The following RNF149 variants were observed in gnomAD, a reference collection of about 807,000 sequenced individuals.
The protein encoded by RNF149 is ring finger protein 149.
In RNF149, 21 loss-of-function variants were observed where a neutral mutation model predicts 39.0. That is an observed-to-expected ratio of 0.54 (90% CI 0.38 to 0.77). The LOEUF (loss-of-function observed/expected upper bound fraction) is 0.77, where lower values mean the gene tolerates loss of function less well. Ranked by LOEUF, RNF149 falls within the 30% of genes least tolerant of loss-of-function variation. The pLI, the probability that RNF149 is intolerant of heterozygous loss-of-function variation, is 0.00. For missense variants in RNF149, 493 were observed against 534.9 expected (o/e 0.92, Z 0.77); for synonymous variants, 209 against 213.6 (o/e 0.98, Z 0.19).
At chr2:101,284,566 G>C (rs1232851735) in intron 5 of RNF149, among the ~76,000 whole-genome samples, 1 of 152,146 alleles carries the variant, frequency 6.6e-6, no homozygotes, top group Admixed American at 6.5e-5. Flanking sequence ...CGGCGACAGA[G>C]TGAGGCTGTC....
chr2:101,286,103 A>C lies in RNF149; in HGVS notation c.938T>G (p.Val313Gly). The change falls in exon 5 of 7, where the codon GTC becomes GGC. Residue 313 changes from valine (V) to glycine (G), a missense_variant. Coordinates refer to ENST00000295317, the MANE Select transcript of RNF149 (RefSeq NM_173647.4). ...AACCCAATATCCTAGGGCTTTGATG[A>C]CATCAAGTTTACACATTGGACATGT... is the stretch of plus-strand genomic sequence containing the variant. ...HRTCPMCKLDVIKALGYWGEP... is the reference protein window; with the variant it reads ...HRTCPMCKLDGIKALGYWGEP... 6.2e-7 allele frequency: 1 copy of C among 1,609,970 alleles called. No individual in the cohort carries two copies. Among genetic ancestry groups the C allele is most frequent in the Admixed American group, 1.7e-5 (1 of 59,958 alleles).
chr2:101,279,671 G>A (rs1353062791), intron 6 of RNF149, among the ~76,000 whole-genome samples: 1 of 152,148 alleles, frequency 6.6e-6, no homozygotes, highest in East Asian at 1.9e-4. Flanking sequence ...CAGATCAATC[G>A]CTACAATTTT....
At chr2:101,307,845 T>C in intron 1 of RNF149, 1 of 985,392 alleles carries the variant, frequency 1.0e-6, no homozygotes. Flanking sequence ...CCTCACCTGT[T>C]AGAACCACAA....
At chr2:101,282,790 T>C (rs1682640010) in intron 5 of RNF149, among the ~76,000 whole-genome samples, 1 of 152,082 alleles carries the variant, frequency 6.6e-6, no homozygotes, top group African/African-American at 2.4e-5. Context: ...CATCTCACCA[T>C]TGCTTCAAGT....
intron 1 of RNF149, among the ~76,000 whole-genome samples, chr2:101,299,505 T>C (rs1683369879): frequency 1.3e-5 from 2 of 152,176 alleles, no homozygotes; most frequent in Non-Finnish European, 2.9e-5. Context: ...AGGATGTATA[T>C]AGAAAGAATT....
chr2:101,277,856 C>T (rs980538426), intron 6 of RNF149, among the ~76,000 whole-genome samples: 5 of 152,082 alleles, frequency 3.3e-5, no homozygotes, highest in East Asian at 1.9e-4. Flanking sequence ...TCAGAGATGG[C>T]GGTACCAGAA....
At position 101,304,589 on chromosome 2, in the gene RNF149, A is replaced by G. The variant is rs1282980148; in HGVS notation, c.460+3540T>C. 3.3e-5 allele frequency among the ~76,000 whole-genome samples: 5 copies of G among 152,266 alleles called. No homozygotes were observed. In the East Asian group the frequency reaches 9.7e-4, roughly 29 times the overall value. ...TAGGCATTTCTATCCCTCAGGAGGT[A>G]TAATACTTAACCCAAAGTGGCTGCT... On this transcript the variant is annotated intron_variant, in intron 1 of 6. Transcript: ENST00000295317.
At chr2:101,283,150 C>T (rs1473708290) in intron 5 of RNF149, among the ~76,000 whole-genome samples, 1 of 152,150 alleles carries the variant, frequency 6.6e-6, no homozygotes, top group African/African-American at 2.4e-5. Context: ...ATGCACTTGC[C>T]CCACCTTCCA....
At chr2:101,281,638 C>G in intron 6 of RNF149, 1 of 548,024 alleles carries the variant, frequency 1.8e-6, no homozygotes, top group Non-Finnish European at 3.3e-6. Context: ...GTAGCTGGGA[C>G]TACAGGAGAA....
At chr2:101,293,445 T>C (rs1683096554) in intron 3 of RNF149, among the ~76,000 whole-genome samples, 1 of 152,236 alleles carries the variant, frequency 6.6e-6, no homozygotes, top group African/African-American at 2.4e-5. Flanking sequence ...CCTCCAAGAA[T>C]CTGAGCTTCT....
In RNF149 at chr2:101,289,370, A is replaced by T. The variant is rs1267256612; in HGVS notation, c.781-315T>A. ...CCACCTGTCAATATGGAAGCAGTAA[A>T]CATTTTATTTATTATTGTTTTATTT... On this transcript the variant is annotated intron_variant, in intron 3 of 6. Coordinates refer to ENST00000295317, the MANE Select transcript of RNF149 (RefSeq NM_173647.4). 2.0e-5 allele frequency among the ~76,000 whole-genome samples: 3 copies of T among 152,178 alleles called. No homozygotes were observed. In the East Asian group the frequency reaches 5.8e-4, roughly 29 times the overall value.
intron 3 of RNF149, among the ~76,000 whole-genome samples, chr2:101,290,953 A>G (rs1357137965): frequency 6.6e-6 from 1 of 152,214 alleles, no homozygotes; most frequent in Admixed American, 6.5e-5. Context: ...ATAGGCCAAC[A>G]GGATTCTCTT....
chr2:101,308,355 G>A lies in RNF149; in HGVS notation c.234C>T (p.Gly78=). 6.2e-7 allele frequency: 1 copy of A among 1,601,484 alleles called. No individual in the cohort carries two copies. The highest frequency in any genetic ancestry group is 8.5e-7 in the Non-Finnish European group (1 of 1,176,192). ...SPKEGAHGLV[G]VPWAPGGDLE... ...GGTCTCCGCCGGGCGCCCACGGGAC[G>A]CCCACCAGGCCATGCGCGCCCTCCT... Residue 78 remains glycine (G), a synonymous_variant, in exon 1 of 7, where the codon GGC becomes GGT. Transcript: ENST00000295317.
Position 101,281,957 on chromosome 2 carries a change from C to A in RNF149, c.1061G>T (p.Ser354Ile). The change falls in exon 6 of 7, where the codon AGT becomes ATT. Residue 354 changes from serine (S) to isoleucine (I), a missense_variant. By Grantham distance (142) the Ser-to-Ile change is moderately radical. Coordinates refer to ENST00000295317, the MANE Select transcript of RNF149 (RefSeq NM_173647.4). ...GGCTGATGGTGGACTGCTGTCATCA[C>A]TTCCGTCATCATCTGGTAAAGCTAG... is the stretch of plus-strand genomic sequence containing the variant. ...LSLALPDDDG[S>I]DDSSPPSASP... is the part of the protein sequence containing the mutation. The A allele has an allele frequency of 6.2e-7, 1 of 1,614,094 alleles. No homozygotes were observed. The highest frequency in any genetic ancestry group is 1.1e-5 in the South Asian group (1 of 91,080).
chr2:101,291,045 G>C (rs903585992), intron 3 of RNF149, among the ~76,000 whole-genome samples: 2 of 152,202 alleles, frequency 1.3e-5, no homozygotes, highest in African/African-American at 2.4e-5. Context: ...TCATTTTATG[G>C]AACACAGTTA....
At chr2:101,285,742 T>C (rs1303604054) in intron 5 of RNF149, among the ~76,000 whole-genome samples, 1 of 152,226 alleles carries the variant, frequency 6.6e-6, no homozygotes, top group African/African-American at 2.4e-5. Context: ...TGACAACCTA[T>C]GAGGCTCCTT....
intron 4 of RNF149, 51 bp downstream of exon 4, chr2:101,288,922 C>A (rs776671773): frequency 5.8e-5 from 54 of 926,676 alleles, no homozygotes; most frequent in Non-Finnish European, 8.4e-5. Flanking sequence ...TGTCAGACAC[C>A]TAAAACTTGT....
Position 101,286,509 on chromosome 2 carries a change from A to C in RNF149, c.864-332T>G, listed in dbSNP as rs190811623. On this transcript the variant is annotated intron_variant, in intron 4 of 6. Transcript: ENST00000295317. Reference sequence around the variant, plus strand: ...TCAACTAGTAGTAATAAGTAAACTAATACTAAACTGGAAGTACCTTACATA... The same window carrying C: ...TCAACTAGTAGTAATAAGTAAACTACTACTAAACTGGAAGTACCTTACATA... 7 of 190,114 alleles carry C rather than the reference A, an allele frequency of 3.7e-5. No homozygotes were observed. The East Asian group carries it at 9.7e-4, about 26-fold the overall frequency. 11.8% of individuals were successfully genotyped at this position (190,114 alleles called of 1,614,324 possible). A position where few individuals can be genotyped will look rare whatever the true frequency, so the allele number is the denominator to read the frequency against.
intron 6 of RNF149, 120 bp downstream of exon 6, chr2:101,281,739 T>C: frequency 8.0e-7 from 1 of 1,249,428 alleles, no homozygotes; most frequent in South Asian, 1.3e-5. Flanking sequence ...GGTTACTTAC[T>C]CTTCGATAGC....
Sources: allele counts gnomAD v4.1 joint callset (sites outside exome capture counted in the v4.1 genomes callset), GRCh38; gene constraint gnomAD v4.1.1; transcripts MANE v1.5; gene names NCBI Gene and HGNC (gene_info 2026-07-23, HGNC 2026-07-21).